CFAP58: variants seen among roughly 807,000 people sequenced by gnomAD.
The protein encoded by CFAP58 is cilia- and flagella-associated protein 58.
CFAP58 carries 88 observed loss-of-function variants against 119.5 expected under a neutral mutation model. That is an observed-to-expected ratio of 0.74 (90% confidence interval 0.62 to 0.88). The LOEUF (loss-of-function observed/expected upper bound fraction) is 0.88, where lower values mean the gene tolerates loss of function less well. CFAP58 is among the 40% of genes least tolerant of loss of function. CFAP58 has a pLI of 0.00. For missense variants in CFAP58, 990 were observed against 1,021.2 expected (o/e 0.97, Z 0.42); for synonymous variants, 365 against 366.3 (o/e 1.00, Z 0.04).
chr10:104,404,801 C>T (rs567533004), intron 14 of CFAP58, among the ~76,000 whole-genome samples: 2 of 152,036 alleles, frequency 1.3e-5, no homozygotes, highest in African/African-American at 2.4e-5. Flanking sequence ...AGCAGAGACA[C>T]GGTTTCACCG....
At chr10:104,349,492 C>T (rs774290693), upstream of CFAP58, among the ~76,000 whole-genome samples, 5 of 152,112 alleles carry the variant, frequency 3.3e-5, no homozygotes, top group Non-Finnish European at 7.4e-5. Flanking sequence ...CCAGTCTGAT[C>T]GGCCTTATTT....
At chr10:104,382,324 G>T in intron 9 of CFAP58, 1 of 590,960 alleles carries the variant, frequency 1.7e-6, no homozygotes, top group African/African-American at 1.9e-5. Flanking sequence ...GGGCCCTGTA[G>T]GGTGAGGCAG....
intron 7 of CFAP58, among the ~76,000 whole-genome samples, chr10:104,372,690 A>G (rs1368202215): frequency 1.3e-5 from 2 of 152,256 alleles, no homozygotes; most frequent in African/African-American, 4.8e-5. Context: ...GTAACTGGCT[A>G]TCAAAACACT....
At chr10:104,354,034 C>A in intron 1 of CFAP58, 128 bp downstream of exon 1, 1 of 1,176,224 alleles carries the variant, frequency 8.5e-7, no homozygotes, top group Non-Finnish European at 1.2e-6. Flanking sequence ...CCTGCACCCT[C>A]ACTCACTCCC....
rs769879567 is a variant in CFAP58 at position 104,380,157 on chromosome 10, C to T, written c.1302C>T (p.Ile434=). Residue 434 remains isoleucine (I), a synonymous_variant, in exon 9 of 18, where the codon ATC becomes ATT. Coordinates refer to ENST00000369704, the MANE Select transcript of CFAP58 (RefSeq NM_001008723.2). The part of the protein sequence containing the change: ...YKDEAQKQRK[I]IFHLEKERDR... ...ATGAGGCTCAGAAGCAGAGAAAGAT[C>T]ATCTTTCATCTGGAAAAGGAGCGTG... 2 of 1,614,080 alleles carry T rather than the reference C, an allele frequency of 1.2e-6. No individual in the cohort carries two copies. The highest frequency in any genetic ancestry group is 1.7e-6 in the Non-Finnish European group (2 of 1,179,984).
chr10:104,406,824 C>T lies in CFAP58; in HGVS notation c.2256+31C>T, dbSNP rs774288482. 3.3e-6 allele frequency: 5 copies of T among 1,535,734 alleles called. No individual in the cohort carries two copies. The Admixed American group carries it at 8.4e-5, about 26-fold the overall frequency. On this transcript the variant is annotated intron_variant, in intron 15 of 17. Transcript: ENST00000369704. ...ATTTTTGTTTTCTGTACTCATTGTA[C>T]AAGTCCTTAGCACCACCATCTCCAG...
intron 1 of CFAP58, among the ~76,000 whole-genome samples, chr10:104,355,232 C>T (rs74566771): frequency 0.012 from 1,770 of 152,166 alleles, 46 homozygotes; most frequent in African/African-American, 0.041. Context: ...GTGTTTTCTC[C>T]TCTTTTCTCC....
intron 13 of CFAP58, among the ~76,000 whole-genome samples, chr10:104,402,788 A>T (rs997912143): frequency 2.0e-5 from 3 of 152,194 alleles, no homozygotes; most frequent in African/African-American, 7.2e-5. Context: ...AATTGCCAAG[A>T]CCTCTGAAGC....
rs1262410526 is a variant in CFAP58 at position 104,364,748 on chromosome 10, G to A, written c.456G>A (p.Leu152=). The A allele has an allele frequency of 6.2e-7, 1 of 1,612,924 alleles. No homozygotes were observed. The highest frequency in any genetic ancestry group is 2.2e-5 in the East Asian group (1 of 44,842). Residue 152 remains leucine, a synonymous_variant, in exon 4 of 18, where the codon CTG becomes CTA. Transcript: ENST00000369704. The part of the protein sequence containing the change: ...MDQHSNIRDL[L]RFKEEVTKER... The stretch of plus-strand genomic sequence containing the variant: ...TCCTTTTTAGCATCCGAGATTTACT[G>A]AGGTTCAAAGAAGAAGTGACAAAGG...
At chr10:104,360,855 T>C (rs2014657502) in intron 2 of CFAP58, among the ~76,000 whole-genome samples, 1 of 152,236 alleles carries the variant, frequency 6.6e-6, no homozygotes, top group South Asian at 2.1e-4. Context: ...GGTTTATATG[T>C]ACTCTTTATC....
At chr10:104,402,444 C>T (rs901936641) in intron 13 of CFAP58, among the ~76,000 whole-genome samples, 7 of 152,126 alleles carry the variant, frequency 4.6e-5, no homozygotes, top group African/African-American at 1.2e-4. Flanking sequence ...TTAAATGAAT[C>T]GATTAAGTAA....
intron 9 of CFAP58, among the ~76,000 whole-genome samples, chr10:104,388,004 T>C (rs962117799): frequency 5.9e-5 from 9 of 152,142 alleles, no homozygotes; most frequent in Non-Finnish European, 1.2e-4. Flanking sequence ...AAACCAAAAA[T>C]TGATTAAAGA....
At position 104,393,586 on chromosome 10, in the gene CFAP58, T is replaced by C. The variant is rs1365117930; in HGVS notation, c.1674+111T>C. On this transcript the variant is annotated intron_variant, in intron 11 of 17. Transcript: ENST00000369704. The stretch of plus-strand genomic sequence containing the variant: ...CAGGGAGAACAACCACGCCTGCCTG[T>C]GGTCACAGTTGCTAGTTACCCAAAC... 3 of 1,010,894 alleles carry C rather than the reference T, an allele frequency of 3.0e-6. No homozygotes were observed. The East Asian group carries it at 7.8e-5, about 26-fold the overall frequency. The allele number at this position is 1,010,894 out of a possible 1,614,324, so 62.6% of individuals were successfully genotyped here.
chr10:104,362,133 G>A lies in CFAP58; in HGVS notation c.402G>A (p.Val134=). 1 of 1,614,040 alleles carries A rather than the reference G, an allele frequency of 6.2e-7. No individual in the cohort carries two copies. Residue 134 remains valine (V), a synonymous_variant, in exon 3 of 18, where the codon GTG becomes GTA. Coordinates refer to ENST00000369704, the MANE Select transcript of CFAP58 (RefSeq NM_001008723.2). The stretch of plus-strand genomic sequence containing the variant: ...AAATAGTGAACCTGACCAAACTAGT[G>A]GAGCAGGGGTCTGGACTGTCAATGG... ...KEEIVNLTKL[V]EQGSGLSMDQ...
chr10:104,407,248 T>C (rs1589925195), intron 15 of CFAP58, among the ~76,000 whole-genome samples: 1 of 152,370 alleles, frequency 6.6e-6, no homozygotes. Flanking sequence ...TAAATTGTTC[T>C]GTAGCAATTA....
At chr10:104,357,917 A>T in intron 1 of CFAP58, among the ~76,000 whole-genome samples, 1 of 114,184 alleles carries the variant, frequency 8.8e-6, no homozygotes, top group East Asian at 2.3e-4. Flanking sequence ...ATACACACAT[A>T]TATGTACACA....
chr10:104,402,898 G>A (rs2012290814), intron 13 of CFAP58, among the ~76,000 whole-genome samples: 1 of 152,168 alleles, frequency 6.6e-6, no homozygotes. Context: ...AATGTGTAGT[G>A]AGGGTAGAGA....
At chr10:104,451,328 T>C (rs2013192653) in intron 17 of CFAP58, among the ~76,000 whole-genome samples, 1 of 152,174 alleles carries the variant, frequency 6.6e-6, no homozygotes, top group Non-Finnish European at 1.5e-5. Context: ...TAAATCAGAA[T>C]ACTCCCCCGT....
At chr10:104,450,003 C>A in intron 16 of CFAP58, 68 bp from the exon 17 acceptor site, 1 of 1,473,032 alleles carries the variant, frequency 6.8e-7, no homozygotes, top group Non-Finnish European at 9.2e-7. Flanking sequence ...TAAATGGTAG[C>A]AGATTAAAAG....
Sources: gnomAD v4.1 joint callset for allele counts (sites outside exome capture counted in the v4.1 genomes callset) on GRCh38, gnomAD v4.1.1 for gene constraint, MANE v1.5 for transcripts, NCBI Gene and HGNC (gene_info 2026-07-23, HGNC 2026-07-21) for gene names.